ROBO1: variants seen among roughly 807,000 people sequenced by gnomAD.
The protein encoded by ROBO1 is roundabout homolog 1.
A neutral mutation model predicts 195.9 loss-of-function variants in ROBO1; 149 were observed. That is an observed-to-expected ratio of 0.76 (90% CI 0.67 to 0.87). The LOEUF is 0.87. ROBO1 is among the 40% of genes least tolerant of loss of function. The pLI is 0.00. For synonymous variants in ROBO1, 816 were observed against 733.2 expected (o/e 1.11, Z -1.82); for missense variants, 1,933 against 2,068.3 (o/e 0.93, Z 1.27).
chr3:79,126,968 A>G (rs1413805208), intron 2 of ROBO1, among the ~76,000 whole-genome samples: 1 of 151,680 alleles, frequency 6.6e-6, no homozygotes, highest in Non-Finnish European at 1.5e-5. Context: ...TCCTTCCCGT[A>G]AGTGTCGCGT....
chr3:78,689,384 C>A (rs1233680305), intron 8 of ROBO1, among the ~76,000 whole-genome samples: 1 of 152,066 alleles, frequency 6.6e-6, no homozygotes, highest in East Asian at 1.9e-4. Context: ...TAAATACTGC[C>A]AGCTTTGTCC....
chr3:79,280,187 T>C (rs1297317253), intron 2 of ROBO1, among the ~76,000 whole-genome samples: 1 of 152,124 alleles, frequency 6.6e-6, no homozygotes. Context: ...TCTATAGCAC[T>C]GTGGTTAACA....
intron 2 of ROBO1, among the ~76,000 whole-genome samples, chr3:79,561,049 G>A (rs1230285522): frequency 6.6e-6 from 1 of 152,046 alleles, no homozygotes; most frequent in Non-Finnish European, 1.5e-5. Flanking sequence ...TTGCCTGACA[G>A]CCTTCTTTAA....
intron 2 of ROBO1, among the ~76,000 whole-genome samples, chr3:79,336,877 T>C (rs2034693351): frequency 6.6e-6 from 1 of 152,202 alleles, no homozygotes; most frequent in African/African-American, 2.4e-5. Context: ...ACCTCTTGCA[T>C]CAGTATGACC....
At chr3:79,010,633 A>G (rs1419609984) in intron 3 of ROBO1, among the ~76,000 whole-genome samples, 1 of 152,142 alleles carries the variant, frequency 6.6e-6, no homozygotes, top group East Asian at 1.9e-4. Flanking sequence ...ATATTTATTT[A>G]TCTATATCTA....
intron 5 of ROBO1, among the ~76,000 whole-genome samples, chr3:78,729,141 C>G (rs529861359): frequency 6.6e-6 from 1 of 152,190 alleles, no homozygotes; most frequent in African/African-American, 2.4e-5. Flanking sequence ...TCCTAAATTT[C>G]TCATTTCTTC....
chr3:79,613,861 A>C (rs970777099), intron 1 of ROBO1, among the ~76,000 whole-genome samples: 1 of 152,066 alleles, frequency 6.6e-6, no homozygotes, highest in Admixed American at 6.6e-5. Flanking sequence ...AATTGATGAA[A>C]TTTGGAATGA....
At chr3:79,179,957 G>T (rs2081313921) in intron 2 of ROBO1, among the ~76,000 whole-genome samples, 1 of 152,100 alleles carries the variant, frequency 6.6e-6, no homozygotes, top group Non-Finnish European at 1.5e-5. Context: ...TTTTTGGTGT[G>T]CTTTCTCCTA....
intron 4 of ROBO1, among the ~76,000 whole-genome samples, chr3:78,935,486 T>A (rs1189061112): frequency 6.6e-6 from 1 of 152,058 alleles, no homozygotes; most frequent in East Asian, 1.9e-4. Flanking sequence ...GTGTCAAAGA[T>A]CTGTGTTATC....
chr3:78,729,003 G>A (rs1412687794), intron 5 of ROBO1, among the ~76,000 whole-genome samples: 2 of 152,314 alleles, frequency 1.3e-5, no homozygotes, highest in Admixed American at 6.5e-5. Flanking sequence ...TGCAGAAAAA[G>A]CAATTATCCC....
chr3:79,364,855 A>G (rs1435068575), intron 2 of ROBO1, among the ~76,000 whole-genome samples: 3 of 152,190 alleles, frequency 2.0e-5, no homozygotes, highest in Non-Finnish European at 4.4e-5. Flanking sequence ...TTTCTTTTAC[A>G]TATTTTCTGA....
intron 2 of ROBO1, among the ~76,000 whole-genome samples, chr3:79,168,118 T>A (rs1482344090): frequency 6.6e-6 from 1 of 152,200 alleles, no homozygotes; most frequent in African/African-American, 2.4e-5. Context: ...GGAAAGAAAC[T>A]GGACTTAACA....
chr3:79,691,201 T>C lies in ROBO1; in HGVS notation c.-51+76551A>G, dbSNP rs890291160. ...TACCCAAATAATAGCCACCTAGCAG[T>C]GACATTTCTAATGCCAGATATTTAC... On this transcript the variant is annotated intron_variant, in intron 1 of 30. Transcript: ENST00000464233. 1.6e-4 allele frequency among the ~76,000 whole-genome samples: 24 copies of C among 151,924 alleles called. No individual in the cohort carries two copies. In the Admixed American group the frequency reaches 1.6e-3, roughly 10 times the overall value.
At chr3:79,445,774 GC>G (rs2039230804) in intron 2 of ROBO1, among the ~76,000 whole-genome samples, 1 of 150,476 alleles carries the variant, frequency 6.6e-6, no homozygotes, top group African/African-American at 2.4e-5. Flanking sequence ...CCATTCTCCT[GC>G]CTCAGCCTCC....
rs1030428774 is a variant in ROBO1, at chr3:79,470,430, G to A, written c.88+119394C>T. On this transcript the variant is annotated intron_variant, in intron 2 of 30. Coordinates refer to ENST00000464233, the MANE Select transcript of ROBO1 (RefSeq NM_002941.4). ...TGTCGTGGGGCATGGGGAGGGAGGA[G>A]GGATAGCATTAGGAGATATACCTAA... 1.3e-5 allele frequency among the ~76,000 whole-genome samples: 2 copies of A among 152,096 alleles called. 1 individual carries two copies. Among genetic ancestry groups the A allele is most frequent in the East Asian group, 3.9e-4 (2 of 5,192 alleles).
intron 2 of ROBO1, among the ~76,000 whole-genome samples, chr3:79,411,506 C>A (rs2106858449): frequency 6.6e-6 from 1 of 152,166 alleles, no homozygotes; most frequent in South Asian, 2.1e-4. Flanking sequence ...ATTGTATTTT[C>A]TTGTTACCCT....
intron 2 of ROBO1, among the ~76,000 whole-genome samples, chr3:79,538,905 TG>T (rs1941968633): frequency 6.6e-6 from 1 of 152,160 alleles, no homozygotes; most frequent in Non-Finnish European, 1.5e-5. Flanking sequence ...TTGGAACTCA[TG>T]TTAAGATACA....
chr3:78,739,299 A>G (rs1372151532), intron 5 of ROBO1, among the ~76,000 whole-genome samples: 1 of 152,154 alleles, frequency 6.6e-6, no homozygotes, highest in Admixed American at 6.5e-5. Flanking sequence ...TATTATATCT[A>G]TACAAAATTC....
chr3:79,173,496 G>A (rs567251078), intron 2 of ROBO1, among the ~76,000 whole-genome samples: 60 of 152,212 alleles, frequency 3.9e-4, no homozygotes, highest in African/African-American at 1.4e-3. Context: ...GGCTGCAGAG[G>A]GTGTGCTGGG....
Sources: gnomAD v4.1 joint callset for allele counts (sites outside exome capture counted in the v4.1 genomes callset) on GRCh38, gnomAD v4.1.1 for gene constraint, MANE v1.5 for transcripts, NCBI Gene and HGNC (gene_info 2026-07-23, HGNC 2026-07-21) for gene names.